ACSM2A: variants seen among roughly 807,000 people sequenced by gnomAD.
ACSM2A encodes the protein acyl-CoA synthetase medium chain family member 2A.
ACSM2A carries 72 observed loss-of-function variants against 76.6 expected under a neutral mutation model. The ratio of observed to expected loss-of-function variants is 0.94; its 90% CI spans 0.78 to 1.14. ACSM2A has a LOEUF of 1.14. ACSM2A is among the 50% of genes most tolerant of loss of function. ACSM2A has a pLI of 0.00. For missense variants in ACSM2A, 684 were observed against 708.5 expected (o/e 0.97, Z 0.39); for synonymous variants, 249 against 255.9 (o/e 0.97, Z 0.26).
rs561933191 is a variant in ACSM2A at position 20,487,494 on chromosome 16, A to T, written c.*816A>T. Reference sequence around the variant, plus strand: ...AAGCATTTGCCATGTGCCAGGCACTAACCCAGATGCATTATAAATACCACG... The same window carrying T: ...AAGCATTTGCCATGTGCCAGGCACTTACCCAGATGCATTATAAATACCACG... On this transcript the variant is annotated 3_prime_UTR_variant, in exon 14 of 14. Transcript: ENST00000573854. 2.6e-5 allele frequency: 4 copies of T among 152,218 alleles called. No individual in the cohort carries two copies. Among genetic ancestry groups the T allele is most frequent in the African/African-American group, 7.2e-5 (3 of 41,432 alleles). 9.4% of individuals were successfully genotyped at this position (152,218 alleles called of 1,614,324 possible). A position where few individuals can be genotyped will look rare whatever the true frequency, so the allele number is the denominator to read the frequency against.
At position 20,486,691 on chromosome 16, in the gene ACSM2A, A is replaced by G; in HGVS notation, c.*13A>G. The G allele has an allele frequency of 6.2e-7, 1 of 1,613,588 alleles. No homozygotes were observed. Among genetic ancestry groups the G allele is most frequent in the Non-Finnish European group, 8.5e-7 (1 of 1,179,542 alleles). On this transcript the variant is annotated 3_prime_UTR_variant, in exon 14 of 14. Coordinates refer to ENST00000573854, the MANE Select transcript of ACSM2A (RefSeq NM_001308172.2). Reference sequence around the variant, plus strand: ...CCGTGCGCAGTGAGACATCTAAGAGACATTCATTTGGATTCCCCTCTTCTT... The same window carrying G: ...CCGTGCGCAGTGAGACATCTAAGAGGCATTCATTTGGATTCCCCTCTTCTT...
chr16:20,458,241 A>T (rs1395515011), intron 1 of ACSM2A, among the ~76,000 whole-genome samples: 1 of 150,800 alleles, frequency 6.6e-6, no homozygotes, highest in African/African-American at 2.4e-5. Flanking sequence ...AAAGCAATAT[A>T]CAAATTCAGT....
At chr16:20,480,784 G>T (rs367751844) in intron 11 of ACSM2A, 38 bp from the exon 12 acceptor site, 4 of 1,613,676 alleles carry the variant, frequency 2.5e-6, no homozygotes, top group Non-Finnish European at 3.4e-6. Context: ...CTAGAGGTTC[G>T]GTGTCCAGTG....
At position 20,487,034 on chromosome 16, in the gene ACSM2A, GAT is replaced by G. The variant is rs1478352133; in HGVS notation, c.*358_*359del. On this transcript the variant is annotated 3_prime_UTR_variant, in exon 14 of 14. Transcript: ENST00000573854. ...AAGAGGAGATGAAAGGGGGAGAAAAGATAGAAGAAAAATAATTGAAGGGAGAA... is the reference window on the plus strand; with the variant it reads ...AAGAGGAGATGAAAGGGGGAGAAAAGAGAAGAAAAATAATTGAAGGGAGAA... The G allele has an allele frequency of 5.8e-6, 1 of 173,408 alleles. No homozygotes were observed. Among genetic ancestry groups the G allele is most frequent in the African/African-American group, 2.4e-5 (1 of 41,820 alleles). The allele number at this position is 173,408 out of a possible 1,614,324, so 10.7% of individuals were successfully genotyped here.
intron 10 of ACSM2A, among the ~76,000 whole-genome samples, chr16:20,479,666 T>TC (rs2013972669): frequency 6.6e-6 from 1 of 152,206 alleles, no homozygotes; most frequent in Non-Finnish European, 1.5e-5. Flanking sequence ...TCCAAGCATT[T>TC]CCTTTGTGTG....
At chr16:20,479,745 A>C (rs1474412012) in intron 10 of ACSM2A, among the ~76,000 whole-genome samples, 2 of 152,224 alleles carry the variant, frequency 1.3e-5, no homozygotes, top group South Asian at 4.1e-4. Context: ...ACAGAAAAGG[A>C]AACAGACTCA....
In ACSM2A at chr16:20,475,385, G is replaced by A. The variant is rs529278117; in HGVS notation, c.918G>A (p.Lys306=). 1 of 1,613,752 alleles carries A rather than the reference G, an allele frequency of 6.2e-7. No homozygotes were observed. Among genetic ancestry groups the A allele is most frequent in the African/African-American group, 1.3e-5 (1 of 75,006 alleles). ...ILKTLSSYPI[K]SMMGAPIVYR... ...AGACACTCTCCAGTTATCCAATCAA[G>A]AGTATGATGGGTGCCCCCATTGTTT... Residue 306 remains lysine, a synonymous_variant, in exon 7 of 14, where the codon AAG becomes AAA. Transcript: ENST00000573854.
At chr16:20,468,709 T>C (rs2013172278) in intron 3 of ACSM2A, among the ~76,000 whole-genome samples, 1 of 152,156 alleles carries the variant, frequency 6.6e-6, no homozygotes, top group South Asian at 2.1e-4. Context: ...GGAGTCTCAT[T>C]AAAATAGGAA....
At chr16:20,483,906 G>T (rs1700813) in intron 13 of ACSM2A, among the ~76,000 whole-genome samples, 93,393 of 150,642 alleles carry the variant, frequency 0.62, 29,903 homozygotes, top group Non-Finnish European at 0.69. Flanking sequence ...ATGTGGTCAG[G>T]TGTCTCTCTT....
Position 20,451,583 on chromosome 16 carries a change from T to C in ACSM2A, c.-107T>C, listed in dbSNP as rs2011743358. 3 of 152,052 alleles carry C rather than the reference T, an allele frequency of 2.0e-5. No homozygotes were observed. In the South Asian group the frequency reaches 6.2e-4, roughly 32 times the overall value. 9.4% of individuals were successfully genotyped at this position (152,052 alleles called of 1,614,324 possible). On this transcript the variant is annotated 5_prime_UTR_variant, in exon 1 of 14. Transcript: ENST00000573854. ...TTCTGAAGCTGTCTGCTTGAGTTAC[T>C]GTGCTCTCTTCCAAGGCTGTAGGAG...
chr16:20,480,922 G>A lies in ACSM2A; in HGVS notation c.1509+1G>A, dbSNP rs761523541. On this transcript the variant is annotated splice_donor_variant, in intron 12 of 13. Transcript: ENST00000573854. LOFTEE classifies it high-confidence loss of function. ...CAGCCCAGACCCCGTCCGAGGAGAG[G>A]TGATGGGGAAGCAGTAGCCTGGGGG... 6.2e-7 allele frequency: 1 copy of A among 1,613,918 alleles called. No individual in the cohort carries two copies. Among genetic ancestry groups the A allele is most frequent in the South Asian group, 1.1e-5 (1 of 91,064 alleles).
rs190097007 is a variant in ACSM2A, at chr16:20,476,030, G to A, written c.1098+257G>A. On this transcript the variant is annotated intron_variant, in intron 8 of 13. Coordinates refer to ENST00000573854, the MANE Select transcript of ACSM2A (RefSeq NM_001308172.2). ...AAACTAAGAAATATCTAGCATGGCA[G>A]GTGGTGAGAAATGCGATGGAAAAAG... 3.1e-5 allele frequency: 33 copies of A among 1,056,714 alleles called. 1 individual carries two copies. The South Asian group carries it at 5.7e-4, about 18-fold the overall frequency. The allele number at this position is 1,056,714 out of a possible 1,614,324, so 65.5% of individuals were successfully genotyped here. A position where few individuals can be genotyped will look rare whatever the true frequency, so the allele number is the denominator to read the frequency against.
At chr16:20,457,534 C>T (rs1446499704) in intron 1 of ACSM2A, among the ~76,000 whole-genome samples, 1 of 152,084 alleles carries the variant, frequency 6.6e-6, no homozygotes, top group African/African-American at 2.4e-5. Context: ...AAATGTGATA[C>T]ACCACATAAA....
chr16:20,452,052 C>G (rs1214147902), intron 1 of ACSM2A: 5 of 150,622 alleles, frequency 3.3e-5, no homozygotes, highest in Non-Finnish European at 7.4e-5. Context: ...TGCTCAGGAG[C>G]TGGTACAGTA....
chr16:20,461,799 T>G (rs1007242166), intron 2 of ACSM2A, among the ~76,000 whole-genome samples: 19 of 152,192 alleles, frequency 1.2e-4, no homozygotes, highest in African/African-American at 4.1e-4. Context: ...AGGTTGTTTT[T>G]TTCTTTCAGA....
intron 10 of ACSM2A, 29 bp from the exon 11 acceptor site, chr16:20,480,544 C>T (rs140579361): frequency 1.1e-4 from 174 of 1,608,154 alleles, no homozygotes; most frequent in East Asian, 1.1e-3. Flanking sequence ...TTTGCAGGCA[C>T]AATGACTCTG....
intron 2 of ACSM2A, 62 bp from the exon 3 acceptor site, chr16:20,465,455 G>A (rs1291754903): frequency 2.5e-6 from 4 of 1,581,434 alleles, no homozygotes; most frequent in South Asian, 1.1e-5. Context: ...CCAAGACTTG[G>A]AATTTATCCT....
intron 6 of ACSM2A, among the ~76,000 whole-genome samples, chr16:20,472,386 G>A (rs1596661946): frequency 6.6e-6 from 1 of 152,162 alleles, no homozygotes; most frequent in African/African-American, 2.4e-5. Flanking sequence ...GAGAGAGACA[G>A]TGCTGGTATA....
rs796682525 is a variant in ACSM2A at position 20,458,598 on chromosome 16, T to A, written c.-8-1509T>A. Among the ~76,000 whole-genome samples the A allele has an allele frequency of 5.3e-3, 754 of 142,500 alleles. 5 individuals carry two copies. The highest frequency in any genetic ancestry group is 0.016 in the South Asian group (74 of 4,674). 93.5% of individuals were successfully genotyped at this position (142,500 alleles called of 152,430 possible). On this transcript the variant is annotated intron_variant, in intron 1 of 13. Coordinates refer to ENST00000573854, the MANE Select transcript of ACSM2A (RefSeq NM_001308172.2). Reference sequence around the variant, plus strand: ...CCATATAATATAGTATATATATTTTTTATATATATATATATGTATTTTTTG... The same window carrying A: ...CCATATAATATAGTATATATATTTTATATATATATATATATGTATTTTTTG...
Sources: gnomAD v4.1 joint callset for allele counts (sites outside exome capture counted in the v4.1 genomes callset) on GRCh38, gnomAD v4.1.1 for gene constraint, MANE v1.5 for transcripts, NCBI Gene and HGNC (gene_info 2026-07-23, HGNC 2026-07-21) for gene names.